Variants in APP observed in about 807,000 individuals in gnomAD.
The protein encoded by APP is amyloid beta precursor protein.
A neutral mutation model predicts 101.4 loss-of-function variants in APP; 31 were observed. That is an observed-to-expected ratio of 0.31 (90% CI 0.23 to 0.41). APP has a LOEUF of 0.41. Ranked by LOEUF, APP falls within the 10% of genes least tolerant of loss-of-function variation. The pLI is 1.00. For synonymous variants in APP, 366 were observed against 364.4 expected (o/e 1.00, Z -0.05); for missense variants, 839 against 1,003.7 (o/e 0.84, Z 2.22).
rs769731298 is a variant in APP, at chr21:25,943,449, C to CTTT, written c.1687+11138_1687+11140dup. On this transcript the variant is annotated intron_variant, in intron 13 of 17. Transcript: ENST00000346798. ...TTACAGGCGTGAGCACCGCACCCAG[C>CTTT]TTTTTTTTTTTTTTCTCTTTTGAGA... 5.6e-4 allele frequency among the ~76,000 whole-genome samples: 61 copies of CTTT among 109,276 alleles called. 1 individual carries two copies. The highest frequency in any genetic ancestry group is 3.1e-3 in the Admixed American group (33 of 10,702). The allele number at this position is 109,276 out of a possible 152,430, so 71.7% of individuals were successfully genotyped here. A position where few individuals can be genotyped will look rare whatever the true frequency, so the allele number is the denominator to read the frequency against.
chr21:25,951,594 G>C (rs1277295049), intron 13 of APP, among the ~76,000 whole-genome samples: 1 of 152,040 alleles, frequency 6.6e-6, no homozygotes, highest in Non-Finnish European at 1.5e-5. Context: ...TCTAAAATTT[G>C]ATTATATACA....
intron 1 of APP, among the ~76,000 whole-genome samples, chr21:26,122,059 G>A (rs1310790829): frequency 6.6e-6 from 1 of 152,192 alleles, no homozygotes; most frequent in African/African-American, 2.4e-5. Context: ...TCTTAGAGTT[G>A]CTGATATACT....
chr21:26,034,247 C>T (rs1302262980), intron 5 of APP, among the ~76,000 whole-genome samples: 2 of 152,128 alleles, frequency 1.3e-5, no homozygotes, highest in Non-Finnish European at 2.9e-5. Flanking sequence ...CCTTCCTTCC[C>T]CTCTCTCTCC....
In APP at chr21:25,881,015, AAAAAG is replaced by A. The variant is rs987511254; in HGVS notation, c.*650_*654del. ...CAAAGACCCAAAGATACGTGGACAA[AAAAAG>A]AAAAGCTTGAAGTCTCAATGCCTAA... is the stretch of plus-strand genomic sequence containing the variant. On this transcript the variant is annotated 3_prime_UTR_variant, in exon 18 of 18. Transcript: ENST00000346798. 25 of 152,660 alleles carry A rather than the reference AAAAAG, an allele frequency of 1.6e-4. No individual in the cohort carries two copies. The highest frequency in any genetic ancestry group is 5.8e-4 in the African/African-American group (24 of 41,416). 9.5% of individuals were successfully genotyped at this position (152,660 alleles called of 1,614,324 possible).
rs375496770 is a variant in APP, at chr21:26,080,945, A to G, written c.355+8998T>C. Among the ~76,000 whole-genome samples, 380 of 152,182 alleles carry G rather than the reference A, an allele frequency of 2.5e-3. 4 individuals are homozygous for G. Among genetic ancestry groups the G allele is most frequent in the African/African-American group, 8.7e-3 (362 of 41,520 alleles). ...CCTGCAGCGGACAGTATTTATGGGG[A>G]AAAAATGTTATCTGAAATCTACAAC... On this transcript the variant is annotated intron_variant, in intron 3 of 17. Transcript: ENST00000346798.
chr21:26,162,457 A>G (rs2063511920), intron 1 of APP, among the ~76,000 whole-genome samples: 1 of 152,230 alleles, frequency 6.6e-6, no homozygotes, highest in South Asian at 2.1e-4. Flanking sequence ...TCTCTTAAAA[A>G]TAAAATTTAT....
At chr21:26,147,809 CA>C (rs61485913) in intron 1 of APP, among the ~76,000 whole-genome samples, 14,163 of 147,520 alleles carry the variant, frequency 0.096, 894 homozygotes, top group Admixed American at 0.15. Context: ...ATCAGAACAT[CA>C]AAAAAAAAAC....
intron 3 of APP, among the ~76,000 whole-genome samples, chr21:26,066,089 G>A (rs942282920): frequency 6.6e-6 from 1 of 152,086 alleles, no homozygotes; most frequent in East Asian, 1.9e-4. Flanking sequence ...ATGATATTTG[G>A]AGCAGGGCTT....
chr21:26,104,305 A>G (rs997257457), intron 2 of APP, among the ~76,000 whole-genome samples: 4 of 151,400 alleles, frequency 2.6e-5, no homozygotes, highest in African/African-American at 9.7e-5. Context: ...CTCAATACAT[A>G]CTTGAAAAAA....
intron 5 of APP, among the ~76,000 whole-genome samples, chr21:26,028,655 G>T: frequency 6.6e-6 from 1 of 152,232 alleles, no homozygotes; most frequent in East Asian, 1.9e-4. Flanking sequence ...AAGTGGCAAT[G>T]CATTCATTCA....
intron 8 of APP, among the ~76,000 whole-genome samples, chr21:25,991,502 T>G (rs1226354035): frequency 6.6e-6 from 1 of 152,024 alleles, no homozygotes; most frequent in Admixed American, 6.6e-5. Flanking sequence ...CTCAGCCTCC[T>G]GAGTAGGTGG....
In APP at chr21:26,021,862, C is replaced by T. The variant is rs775689062; in HGVS notation, c.843G>A (p.Glu281=). The change falls in exon 6 of 18, where the codon GAG becomes GAA. Residue 281 remains glutamate (E), a synonymous_variant. Coordinates refer to ENST00000346798, the MANE Select transcript of APP (RefSeq NM_000484.4). ...SIATTTTTTT[E]SVEEVVREVC... Reference sequence around the variant, plus strand: ...TACCTCGAACCACCTCTTCCACAGACTCTGTGGTGGTGGTGGTGGTGGTGG... The same window carrying T: ...TACCTCGAACCACCTCTTCCACAGATTCTGTGGTGGTGGTGGTGGTGGTGG... 33 of 1,613,704 alleles carry T rather than the reference C, an allele frequency of 2.0e-5. No individual in the cohort carries two copies. Among genetic ancestry groups the T allele is most frequent in the Non-Finnish European group, 2.5e-5 (30 of 1,179,994 alleles).
intron 5 of APP, among the ~76,000 whole-genome samples, chr21:26,027,156 T>C (rs1051731993): frequency 1.3e-5 from 2 of 152,154 alleles, no homozygotes; most frequent in African/African-American, 2.4e-5. Context: ...AGATCCAACC[T>C]ACTTGCACTG....
intron 14 of APP, among the ~76,000 whole-genome samples, chr21:25,907,521 A>G (rs979694615): frequency 6.6e-6 from 1 of 152,256 alleles, no homozygotes; most frequent in South Asian, 2.1e-4. Context: ...CTGTTTAGTA[A>G]TTTAAAAACA....
chr21:25,957,010 A>T (rs1229677588), intron 11 of APP, among the ~76,000 whole-genome samples: 1 of 152,134 alleles, frequency 6.6e-6, no homozygotes, highest in African/African-American at 2.4e-5. Flanking sequence ...ACAGTGCTTG[A>T]CCCAGAGGGT....
At chr21:26,057,270 T>G (rs2046079474) in intron 3 of APP, among the ~76,000 whole-genome samples, 1 of 152,216 alleles carries the variant, frequency 6.6e-6, no homozygotes. Context: ...AGAATTCTGA[T>G]GTAAGAGATC....
chr21:26,044,523 G>GT, intron 5 of APP, among the ~76,000 whole-genome samples: 1 of 152,232 alleles, frequency 6.6e-6, no homozygotes, highest in Middle Eastern at 3.4e-3. Flanking sequence ...TGACAAGTGA[G>GT]CAATGTATTT....
At chr21:26,074,496 C>A (rs1362492585) in intron 3 of APP, among the ~76,000 whole-genome samples, 2 of 152,204 alleles carry the variant, frequency 1.3e-5, no homozygotes, top group African/African-American at 4.8e-5. Flanking sequence ...TGGCTCACGC[C>A]TGTAATTCCA....
At chr21:26,061,859 G>A (rs921272848) in intron 3 of APP, among the ~76,000 whole-genome samples, 2 of 152,182 alleles carry the variant, frequency 1.3e-5, no homozygotes, top group African/African-American at 2.4e-5. Context: ...ACTTTTCCAA[G>A]TGCACAGATC....
Sources: gnomAD v4.1 joint callset for allele counts (sites outside exome capture counted in the v4.1 genomes callset) on GRCh38, gnomAD v4.1.1 for gene constraint, MANE v1.5 for transcripts, NCBI Gene and HGNC (gene_info 2026-07-23, HGNC 2026-07-21) for gene names.